Variants in TLE2 observed in about 807,000 individuals in gnomAD.
TLE2 encodes the protein TLE family member 2, transcriptional corepressor, also known as transducin-like enhancer protein 2.
Under a neutral mutation model 97.2 loss-of-function variants are expected in TLE2, and 74 were observed. That is an observed-to-expected ratio of 0.76 (90% CI 0.63 to 0.92). The LOEUF (loss-of-function observed/expected upper bound fraction) is 0.92. TLE2 is among the 40% of genes least tolerant of loss of function. The pLI is 0.00. For missense variants in TLE2, 1,038 were observed against 1,008.7 expected, an observed-to-expected ratio of 1.03 and a Z score of -0.39; for synonymous variants, 499 against 432.1, an observed-to-expected ratio of 1.15 and a Z score of -1.92.
upstream of TLE2, among the ~76,000 whole-genome samples, chr19:3,030,972 T>G (rs1688126): frequency 0.046 from 6,496 of 142,622 alleles, 270 homozygotes; most frequent in African/African-American, 0.12. Context: ...AAAAAAGCCC[T>G]TATCAAATTT....
intron 10 of TLE2, among the ~76,000 whole-genome samples, chr19:3,014,131 G>GCTGGTCTCAAACTC (rs2089653379): frequency 6.6e-6 from 1 of 151,980 alleles, no homozygotes; most frequent in Admixed American, 6.6e-5. Flanking sequence ...TGTTGGTCAG[G>GCTGGTCTCAAACTC]CTGGTCTCAA....
chr19:3,006,373 C>G (rs1231944808), intron 15 of TLE2, 47 bp downstream of exon 15: 7 of 1,587,418 alleles, frequency 4.4e-6, no homozygotes, highest in Non-Finnish European at 6.0e-6. Flanking sequence ...AACATAAGCC[C>G]CACCCCTCAC....
chr19:3,016,534 G>T (rs1363065960), intron 8 of TLE2, among the ~76,000 whole-genome samples: 1 of 147,394 alleles, frequency 6.8e-6, no homozygotes, highest in South Asian at 2.2e-4. Flanking sequence ...AGCTTACAGT[G>T]AGCCGAGATT....
At chr19:3,041,986 G>C (rs1177960460) in intron 1 of TLE2, among the ~76,000 whole-genome samples, 2 of 151,980 alleles carry the variant, frequency 1.3e-5, no homozygotes, top group African/African-American at 4.8e-5. Flanking sequence ...CTCCTCCCGC[G>C]GTGCTGCGGG....
upstream of TLE2, chr19:3,047,505 G>T: frequency 1.9e-5 from 2 of 106,890 alleles, no homozygotes; most frequent in African/African-American, 3.5e-5. Flanking sequence ...TGTCGGGCTT[G>T]TGACCCCCCC....
intron 17 of TLE2, among the ~76,000 whole-genome samples, chr19:3,004,355 G>T (rs935325362): frequency 2.0e-5 from 3 of 151,856 alleles, no homozygotes; most frequent in African/African-American, 7.3e-5. Flanking sequence ...AAAGAGCTTG[G>T]GAGGGCAAGC....
At chr19:3,041,006 TA>T (rs1486994202) in intron 1 of TLE2, among the ~76,000 whole-genome samples, 4 of 38,606 alleles carry the variant, frequency 1.0e-4, no homozygotes, top group African/African-American at 4.8e-4. Flanking sequence ...TATATATATA[TA>T]TATATATTTT....
At position 3,006,472 on chromosome 19, in the gene TLE2, C is replaced by G; in HGVS notation, c.1448G>C (p.Trp483Ser). ...CTTGGCCCCAGGCTGGCCCACGTCC[C>G]ACACCTTCACACAGCCCTTGCCGCC... Reference protein sequence around the residue: ...YTGGKGCVKVWDVGQPGAKTP... With the variant: ...YTGGKGCVKVSDVGQPGAKTP... The change falls in exon 15 of 20, where the codon TGG becomes TCG. Residue 483 changes from tryptophan to serine, a missense_variant. Physicochemically the swap from Trp to Ser is radical, Grantham distance 177. Coordinates refer to ENST00000262953, the MANE Select transcript of TLE2 (RefSeq NM_003260.5). 6.2e-7 allele frequency: 1 copy of G among 1,611,008 alleles called. No homozygotes were observed. Among genetic ancestry groups the G allele is most frequent in the South Asian group, 1.1e-5 (1 of 90,840 alleles).
Position 3,025,048 on chromosome 19 carries a change from G to A in TLE2, c.266C>T (p.Ala89Val). The A allele has an allele frequency of 6.2e-7, 1 of 1,605,354 alleles. No individual in the cohort carries two copies. Among genetic ancestry groups the A allele is most frequent in the Non-Finnish European group, 8.5e-7 (1 of 1,176,274 alleles). ...CTGGGTCAGGAAGGGGATAATCTGAGCGCAGATACCGCTCAGACGCTTCAC... is the reference window on the plus strand; with the variant it reads ...CTGGGTCAGGAAGGGGATAATCTGAACGCAGATACCGCTCAGACGCTTCAC... ...EIVKRLSGIC[A>V]QIIPFLTQEH... is the part of the protein sequence containing the mutation. The change falls in exon 5 of 20, where the codon GCT becomes GTT. Residue 89 changes from alanine (A) to valine (V), a missense_variant. Coordinates refer to ENST00000262953, the MANE Select transcript of TLE2 (RefSeq NM_003260.5).
chr19:3,006,342 C>A, intron 15 of TLE2, 78 bp downstream of exon 15: 1 of 1,543,970 alleles, frequency 6.5e-7, no homozygotes, highest in Non-Finnish European at 8.7e-7. Flanking sequence ...CACGGCCAGC[C>A]TGCGAACACC....
rs183446829 is a variant in TLE2 at position 3,018,049 on chromosome 19, C to T, written c.551-190G>A. On this transcript the variant is annotated intron_variant, in intron 7 of 19. Transcript: ENST00000262953. ...CCTCCCCTGCATTCAGATCAATGCC[C>T]AGAGAGGGATAGTGACTTGCCTCAA... Among the ~76,000 whole-genome samples the T allele has an allele frequency of 2.6e-4, 40 of 152,068 alleles. No individual in the cohort carries two copies. In the East Asian group the frequency reaches 5.4e-3, roughly 21 times the overall value.
Position 3,006,445 on chromosome 19 carries a change from G to C in TLE2, c.1475C>G (p.Thr492Arg). 1 of 1,610,540 alleles carries C rather than the reference G, an allele frequency of 6.2e-7. No individual in the cohort carries two copies. Among genetic ancestry groups the C allele is most frequent in the South Asian group, 1.1e-5 (1 of 90,838 alleles). Residue 492 changes from threonine to arginine, a missense_variant, in exon 15 of 20, where the codon ACG becomes AGG. Thr to Arg is a moderately conservative substitution (Grantham distance 71, BLOSUM62 -1). Coordinates refer to ENST00000262953, the MANE Select transcript of TLE2 (RefSeq NM_003260.5). ...VWDVGQPGAK[T>R]PVAQLDCLNR... is the part of the protein sequence containing the mutation. ...CAGGCAGTCGAGCTGGGCCACGGGCGTCTTGGCCCCAGGCTGGCCCACGTC... is the reference window on the plus strand; with the variant it reads ...CAGGCAGTCGAGCTGGGCCACGGGCCTCTTGGCCCCAGGCTGGCCCACGTC...
chr19:3,002,247 G>A, intron 18 of TLE2, 106 bp downstream of exon 18: 1 of 1,330,736 alleles, frequency 7.5e-7, no homozygotes, highest in Non-Finnish European at 1.0e-6. Context: ...ATAAAACTTA[G>A]TATATAAATA....
intron 19 of TLE2, among the ~76,000 whole-genome samples, chr19:2,998,243 GTGTGTGTGT>G (rs1341921442): frequency 0.015 from 1,172 of 77,604 alleles, 21 homozygotes; most frequent in Middle Eastern, 0.045. Context: ...GCCAATGTGT[GTGTGTGTGT>G]GTGTGTGTGT....
At position 3,005,794 on chromosome 19, in the gene TLE2, C is replaced by T; in HGVS notation, c.1675G>A (p.Ala559Thr). Residue 559 changes from alanine (A) to threonine (T), a missense_variant, in exon 16 of 20, where the codon GCC becomes ACC. Transcript: ENST00000262953. The stretch of plus-strand genomic sequence containing the variant: ...CTGCAGCAGGAGAAGCAAACCTTGG[C>T]GTCGGGGCTGACGGCCAGGGCGTAG... ...ACYALAVSPD[A>T]KVCFSCCSDG... The T allele has an allele frequency of 1.2e-6, 2 of 1,613,970 alleles. No individual in the cohort carries two copies. The highest frequency in any genetic ancestry group is 1.7e-6 in the Non-Finnish European group (2 of 1,179,850).
chr19:3,021,582 TTTTTA>T (rs1394537668), intron 5 of TLE2, among the ~76,000 whole-genome samples: 9 of 152,270 alleles, frequency 5.9e-5, no homozygotes, highest in Admixed American at 5.9e-4. Context: ...AATAGGCTTA[TTTTTA>T]TTTTTACTTT....
At chr19:3,032,772 A>C (rs1413453158), upstream of TLE2, among the ~76,000 whole-genome samples, 1 of 151,958 alleles carries the variant, frequency 6.6e-6, no homozygotes, top group Non-Finnish European at 1.5e-5. The surrounding 1 kb of genome is among the most constrained non-coding windows in gnomAD (Gnocchi z 4.1). Flanking sequence ...AGAGTCCGTG[A>C]TTCCAGGTTC....
chr19:3,034,960 GGTGA>G (rs1380685202), intron 1 of TLE2, among the ~76,000 whole-genome samples: 1 of 152,162 alleles, frequency 6.6e-6, no homozygotes, highest in African/African-American at 2.4e-5. Flanking sequence ...GGCATTGCCC[GGTGA>G]GTGAGCTGAG....
At chr19:3,041,007 ATATATATTTTTTTTTTTT>A (rs1368630855) in intron 1 of TLE2, among the ~76,000 whole-genome samples, 5 of 34,930 alleles carry the variant, frequency 1.4e-4, no homozygotes, top group Admixed American at 3.6e-4. Flanking sequence ...ATATATATAT[ATATATATTTTTTTTTTTT>A]TTTTTTTTTT....
Sources: gnomAD v4.1 joint callset for allele counts (sites outside exome capture counted in the v4.1 genomes callset) on GRCh38, gnomAD v4.1.1 for gene constraint, Gnocchi (gnomAD v3.1) non-coding constraint, MANE v1.5 for transcripts, NCBI Gene and HGNC (gene_info 2026-07-23, HGNC 2026-07-21) for gene names.